The following ZNF704 variants were observed in gnomAD, a reference collection of about 807,000 sequenced individuals.
The protein encoded by ZNF704 is zinc finger protein 704, also known as glucocorticoid induced gene 1.
ZNF704 carries 10 observed loss-of-function variants against 44.7 expected under a neutral mutation model. The ratio of observed to expected loss-of-function variants is 0.22; its 90% CI spans 0.14 to 0.38. The LOEUF is 0.38. Ranked by LOEUF, ZNF704 falls within the 10% of genes least tolerant of loss-of-function variation. ZNF704 has a pLI of 1.00. For missense variants in ZNF704, 390 were observed against 545.5 expected (o/e 0.71, Z 2.84); for synonymous variants, 211 against 207.6 (o/e 1.02, Z -0.14).
At chr8:80,821,746 AG>A in intron 1 of ZNF704, 131 bp from the exon 2 acceptor site, 1 of 676,062 alleles carries the variant, frequency 1.5e-6, no homozygotes, top group South Asian at 1.8e-5. Flanking sequence ...AATTTTAATA[AG>A]AAAAATGCAA....
intron 4 of ZNF704, among the ~76,000 whole-genome samples, chr8:80,685,909 G>C (rs1220854293): frequency 1.3e-5 from 2 of 152,196 alleles, no homozygotes; most frequent in African/African-American, 4.8e-5. Flanking sequence ...GCAGTCCTCA[G>C]GGCTTTGTAT....
intron 2 of ZNF704, among the ~76,000 whole-genome samples, chr8:80,788,446 T>A (rs1275662787): frequency 1.3e-5 from 2 of 152,168 alleles, no homozygotes; most frequent in African/African-American, 4.8e-5. Context: ...GCTAAAAAAT[T>A]ATATCTCCTA....
intron 2 of ZNF704, among the ~76,000 whole-genome samples, chr8:80,816,398 G>A (rs1305910461): frequency 6.6e-6 from 1 of 152,170 alleles, no homozygotes; most frequent in Non-Finnish European, 1.5e-5. Context: ...ACTGATGAGT[G>A]GATAAACAAA....
intron 2 of ZNF704, among the ~76,000 whole-genome samples, chr8:80,707,520 T>G (rs1173500204): frequency 4.6e-5 from 7 of 152,178 alleles, no homozygotes; most frequent in African/African-American, 9.7e-5. Flanking sequence ...ACTCATATAC[T>G]CAAACTCTAA....
Position 80,751,924 on chromosome 8 carries a change from A to G in ZNF704, c.222-58817T>C, listed in dbSNP as rs139559509. Among the ~76,000 whole-genome samples, 818 of 152,174 alleles carry G rather than the reference A, an allele frequency of 5.4e-3. 8 individuals carry two copies. Among genetic ancestry groups the G allele is most frequent in the African/African-American group, 0.019 (797 of 41,508 alleles). Reference sequence around the variant, plus strand: ...CCCAGCTAATTTGTGTATTTTTTTTAGTAGAAATGGGGTTTCACCATGTTG... The same window carrying G: ...CCCAGCTAATTTGTGTATTTTTTTTGGTAGAAATGGGGTTTCACCATGTTG... On this transcript the variant is annotated intron_variant, in intron 2 of 8. Transcript: ENST00000327835.
chr8:80,700,598 T>C (rs1194417069), intron 2 of ZNF704, among the ~76,000 whole-genome samples: 2 of 152,220 alleles, frequency 1.3e-5, no homozygotes, highest in Non-Finnish European at 2.9e-5. Context: ...TAAGTATTTA[T>C]AGGTGAAATA....
chr8:80,684,322 C>G (rs1009867306), intron 4 of ZNF704, among the ~76,000 whole-genome samples: 1 of 152,186 alleles, frequency 6.6e-6, no homozygotes, highest in Non-Finnish European at 1.5e-5. Flanking sequence ...TATGTATACA[C>G]TGAAACAAAA....
At chr8:80,883,074 CAAAAAAA>C in the ZNF704 span, among the ~76,000 whole-genome samples, 16 of 43,212 alleles carry the variant, frequency 3.7e-4, no homozygotes, top group East Asian at 1.5e-3. Flanking sequence ...CCTGTCTCTA[CAAAAAAA>C]AAAAAAAAAA....
At chr8:80,775,986 T>C (rs772151963) in intron 2 of ZNF704, among the ~76,000 whole-genome samples, 1 of 152,202 alleles carries the variant, frequency 6.6e-6, no homozygotes, top group Non-Finnish European at 1.5e-5. Context: ...ATGCACACAA[T>C]TTTTCAAAAA....
chr8:80,820,758 T>TG (rs1808256232), intron 2 of ZNF704, among the ~76,000 whole-genome samples: 1 of 152,108 alleles, frequency 6.6e-6, no homozygotes, highest in African/African-American at 2.4e-5. Flanking sequence ...AATAATTAGC[T>TG]GGGCATGGCT....
intron 2 of ZNF704, among the ~76,000 whole-genome samples, chr8:80,795,920 T>A (rs1807793491): frequency 6.6e-6 from 1 of 152,122 alleles, no homozygotes; most frequent in South Asian, 2.1e-4. Flanking sequence ...TCCAAATGCC[T>A]CTTGTGGGTA....
chr8:80,774,862 A>G (rs1316717595), intron 2 of ZNF704, among the ~76,000 whole-genome samples: 1 of 152,142 alleles, frequency 6.6e-6, no homozygotes, highest in East Asian at 1.9e-4. Context: ...TGCTGTTGAC[A>G]TTTCCTATTT....
At chr8:80,862,161 ATC>A (rs1362863699) in intron 1 of ZNF704, among the ~76,000 whole-genome samples, 2 of 151,280 alleles carry the variant, frequency 1.3e-5, no homozygotes, top group African/African-American at 4.9e-5. Context: ...CCGCCACCAC[ATC>A]TGGCTACTTT....
At chr8:80,702,154 A>T (rs1419748189) in intron 2 of ZNF704, among the ~76,000 whole-genome samples, 1 of 152,100 alleles carries the variant, frequency 6.6e-6, no homozygotes, top group African/African-American at 2.4e-5. Flanking sequence ...AAGGAGGAAC[A>T]ACCACCCCGT....
At chr8:80,791,758 G>A (rs952703289) in intron 2 of ZNF704, among the ~76,000 whole-genome samples, 6 of 152,190 alleles carry the variant, frequency 3.9e-5, no homozygotes, top group African/African-American at 1.4e-4. Flanking sequence ...GCAGGGAACA[G>A]CAAGGAGGGG....
the ZNF704 span, among the ~76,000 whole-genome samples, chr8:80,883,245 C>CAAAAAAAAA: frequency 1.2e-5 from 1 of 83,432 alleles, no homozygotes; most frequent in Non-Finnish European, 2.4e-5. Flanking sequence ...GACACCCTCT[C>CAAAAAAAAA]AAAAAAAAAA....
At chr8:80,741,728 C>T (rs1219009502) in intron 2 of ZNF704, among the ~76,000 whole-genome samples, 2 of 152,198 alleles carry the variant, frequency 1.3e-5, no homozygotes, top group African/African-American at 4.8e-5. Flanking sequence ...GGTGATTGCT[C>T]AAACCTACGC....
At chr8:80,809,507 G>A (rs1249542354) in intron 2 of ZNF704, among the ~76,000 whole-genome samples, 1 of 152,180 alleles carries the variant, frequency 6.6e-6, no homozygotes, top group Non-Finnish European at 1.5e-5. Flanking sequence ...GAAGAAGTGA[G>A]TGTTTGCCAA....
chr8:80,806,964 G>A (rs1241761880), intron 2 of ZNF704, among the ~76,000 whole-genome samples: 1 of 152,214 alleles, frequency 6.6e-6, no homozygotes, highest in Non-Finnish European at 1.5e-5. Flanking sequence ...CTGCTGGAAT[G>A]ACCAAAGCAG....
Sources: allele counts gnomAD v4.1 joint callset (sites outside exome capture counted in the v4.1 genomes callset), GRCh38; gene constraint gnomAD v4.1.1; transcripts MANE v1.5; gene names NCBI Gene and HGNC (gene_info 2026-07-23, HGNC 2026-07-21).